IQSEC3: variants seen among roughly 807,000 people sequenced by gnomAD.
IQSEC3 encodes the protein IQ motif and Sec7 domain ArfGEF 3.
Under a neutral mutation model 105.4 loss-of-function variants are expected in IQSEC3, and 50 were observed. The observed-to-expected ratio is 0.47, with a 90% CI of 0.38 to 0.60. The LOEUF is 0.60. Among genes scored for constraint, IQSEC3 ranks in the 20% least tolerant of loss-of-function variants. The probability of loss-of-function intolerance (pLI) is 0.00; values close to 1 mark genes in which losing one functional copy is unlikely to be tolerated. For synonymous variants in IQSEC3, 708 were observed against 746.0 expected (o/e 0.95, Z 0.83); for missense variants, 1,415 against 1,630.0 (o/e 0.87, Z 2.27).
At chr12:157,278 G>C (rs927429500) in intron 6 of IQSEC3, 131 bp downstream of exon 6, 4 of 1,321,726 alleles carry the variant, frequency 3.0e-6, no homozygotes, top group Non-Finnish European at 4.1e-6. Context: ...TTCTGGTGTG[G>C]GCAGGAGGAT....
intron 11 of IQSEC3, chr12:166,996 G>C (rs1453136172): frequency 6.6e-6 from 1 of 152,192 alleles, no homozygotes; most frequent in African/African-American, 2.4e-5. Context: ...TGAGAGAAGA[G>C]GTTCTGTTTA....
chr12:146,950 C>G (rs1366962848), intron 5 of IQSEC3, among the ~76,000 whole-genome samples: 3 of 152,230 alleles, frequency 2.0e-5, no homozygotes, highest in African/African-American at 7.2e-5. Flanking sequence ...AGGGATTCTC[C>G]TGAACAGTCA....
At position 138,283 on chromosome 12, in the gene IQSEC3, A is replaced by T. The variant is rs781849176; in HGVS notation, c.920A>T (p.His307Leu). 4 of 1,612,536 alleles carry T rather than the reference A, an allele frequency of 2.5e-6. No homozygotes were observed. The highest frequency in any genetic ancestry group is 3.4e-6 in the Non-Finnish European group (4 of 1,179,012). The change falls in exon 4 of 14, where the codon CAT becomes CTT. Residue 307 changes from histidine (H) to leucine (L), a missense_variant. Around this residue, in one of 6 missense-constraint regions of IQSEC3, gnomAD observed 720 missense variants for 633.0 expected, o/e 1.14. Coordinates refer to ENST00000538872, the MANE Select transcript of IQSEC3 (RefSeq NM_001170738.2). This position sits in a 1 kb window ranked among gnomAD's most constrained non-coding sequence, Gnocchi z 7.1. Reference sequence around the variant, plus strand: ...TCCTTGCAGATTGAAATGCTAGAACATAAGTACGGCGGTCACCTGGTGTCC... The same window carrying T: ...TCCTTGCAGATTGAAATGCTAGAACTTAAGTACGGCGGTCACCTGGTGTCC... ...LKNKQIEMLE[H>L]KYGGHLVSRR...
intron 3 of IQSEC3, among the ~76,000 whole-genome samples, chr12:126,529 A>G (rs1282532343): frequency 7.2e-6 from 1 of 138,696 alleles, no homozygotes; most frequent in Non-Finnish European, 1.6e-5. Flanking sequence ...TTGGCAGACA[A>G]GAGTCTTGAT....
At chr12:74,641 G>A (rs1361056857) in intron 1 of IQSEC3, among the ~76,000 whole-genome samples, 1 of 152,278 alleles carries the variant, frequency 6.6e-6, no homozygotes, top group Non-Finnish European at 1.5e-5. Context: ...CCTGCCCAGA[G>A]AAGGGCCCCG....
At chr12:139,437 C>A in intron 4 of IQSEC3, 83 bp downstream of exon 4, 4 of 1,191,378 alleles carry the variant, frequency 3.4e-6, no homozygotes, top group Non-Finnish European at 3.5e-6. Context: ...CTCCACCAAG[C>A]AGGGCGCCAG....
At chr12:69,660 T>C in intron 1 of IQSEC3, among the ~76,000 whole-genome samples, 1 of 152,274 alleles carries the variant, frequency 6.6e-6, no homozygotes, top group East Asian at 1.9e-4. Context: ...CCCTCATCCC[T>C]GCAGCTCTCC....
chr12:131,763 A>T (rs1249066370), intron 3 of IQSEC3, among the ~76,000 whole-genome samples: 2 of 151,328 alleles, frequency 1.3e-5, no homozygotes, highest in Non-Finnish European at 2.9e-5. Context: ...GGCACTGAGC[A>T]TTGAGGGTGG....
chr12:143,478 T>C (rs1188501721), intron 5 of IQSEC3: 1 of 152,874 alleles, frequency 6.5e-6, no homozygotes, highest in Non-Finnish European at 1.5e-5. Context: ...CTACCACCTT[T>C]CCCATCTCTT....
At chr12:136,643 G>A (rs1865775413) in intron 3 of IQSEC3, among the ~76,000 whole-genome samples, 1 of 152,062 alleles carries the variant, frequency 6.6e-6, no homozygotes, top group South Asian at 2.1e-4. Flanking sequence ...CCCTGTTCTT[G>A]CCTTGAGTCG....
rs782480985 is a variant in IQSEC3 at position 157,512 on chromosome 12, T to C, written c.2277-16T>C. 8 of 1,604,660 alleles carry C rather than the reference T, an allele frequency of 5.0e-6. No homozygotes were observed. In the South Asian group the frequency reaches 9.0e-5, roughly 18 times the overall value. On this transcript the variant is annotated splice_polypyrimidine_tract_variant and intron_variant, in intron 6 of 13. Transcript: ENST00000538872. ...GCGGGGGCTCAGCGTCCGCTCTGCA[T>C]CTGACCCCCCCACAGCCAGCGCTAC...
intron 12 of IQSEC3, among the ~76,000 whole-genome samples, chr12:170,573 G>C (rs118157961): frequency 6.6e-6 from 1 of 152,206 alleles, no homozygotes; most frequent in Non-Finnish European, 1.5e-5. Context: ...TGAGCTGTCC[G>C]TGGGGGTCCG....
intron 5 of IQSEC3, among the ~76,000 whole-genome samples, chr12:145,160 T>C (rs1466749547): frequency 6.6e-6 from 1 of 152,264 alleles, no homozygotes; most frequent in Non-Finnish European, 1.5e-5. Context: ...GAAATCAGCC[T>C]CAGTTTCCTC....
At chr12:149,059 A>C (rs1555091858) in intron 5 of IQSEC3, 5 of 152,212 alleles carry the variant, frequency 3.3e-5, no homozygotes, top group Admixed American at 3.3e-4. Context: ...GTTAACAAGC[A>C]ATTTTATGCA....
chr12:171,239 C>T (rs1555100175), intron 13 of IQSEC3, 78 bp downstream of exon 13: 4 of 1,613,972 alleles, frequency 2.5e-6, no homozygotes, highest in Non-Finnish European at 3.4e-6. Context: ...TGTTGTTTCT[C>T]TTCTCAGGTA....
chr12:106,027 C>T (rs1198166302), intron 2 of IQSEC3, among the ~76,000 whole-genome samples: 5 of 152,198 alleles, frequency 3.3e-5, no homozygotes, highest in Non-Finnish European at 5.9e-5. Flanking sequence ...AACTCTGTGT[C>T]GGTTTTGTGT....
chr12:140,823 T>G, intron 4 of IQSEC3: 2 of 338,636 alleles, frequency 5.9e-6, no homozygotes. Flanking sequence ...GACAACAGGA[T>G]ATGGGTAGGG....
At chr12:82,900 G>A (rs886911186) in intron 1 of IQSEC3, among the ~76,000 whole-genome samples, 5 of 152,108 alleles carry the variant, frequency 3.3e-5, no homozygotes, top group Non-Finnish European at 7.4e-5. Context: ...CCAAATCCAC[G>A]TGGCCCAGCC....
At chr12:111,189 C>T (rs1292707521) in intron 2 of IQSEC3, among the ~76,000 whole-genome samples, 1 of 152,156 alleles carries the variant, frequency 6.6e-6, no homozygotes, top group African/African-American at 2.4e-5. Context: ...CAACAAAGAG[C>T]ATAACCTGTC....
Sources: gnomAD v4.1 joint callset for allele counts (sites outside exome capture counted in the v4.1 genomes callset) on GRCh38, gnomAD v4.1.1 for gene constraint, gnomAD v4.1.1 regional missense constraint, Gnocchi (gnomAD v3.1) non-coding constraint, MANE v1.5 for transcripts, NCBI Gene and HGNC (gene_info 2026-07-23, HGNC 2026-07-21) for gene names.